Variants in WWC1 observed in about 807,000 individuals in gnomAD.
The protein encoded by WWC1 is WW and C2 domain containing 1, also known as protein KIBRA.
WWC1 carries 55 observed loss-of-function variants against 138.4 expected under a neutral mutation model. The observed-to-expected ratio is 0.40, with a 90% confidence interval of 0.32 to 0.50. The LOEUF is 0.50. Among genes scored for constraint, WWC1 ranks in the 20% least tolerant of loss-of-function variants. WWC1 has a pLI of 0.72. For missense variants in WWC1, 1,226 were observed against 1,420.4 expected (o/e 0.86, Z 2.20); for synonymous variants, 524 against 564.9 (o/e 0.93, Z 1.03).
chr5:168,434,173 C>T (rs1782159934), intron 15 of WWC1, among the ~76,000 whole-genome samples: 1 of 152,178 alleles, frequency 6.6e-6, no homozygotes, highest in African/African-American at 2.4e-5. Flanking sequence ...AATTGGATGC[C>T]TTTTATTCCT....
At chr5:168,392,327 G>A (rs1778569276) in intron 3 of WWC1, among the ~76,000 whole-genome samples, 1 of 152,124 alleles carries the variant, frequency 6.6e-6, no homozygotes, top group South Asian at 2.1e-4. Flanking sequence ...CCAGGGAAGA[G>A]ATATAAAGAG....
intron 17 of WWC1, among the ~76,000 whole-genome samples, chr5:168,446,606 C>G (rs1755292136): frequency 6.6e-6 from 1 of 152,200 alleles, no homozygotes; most frequent in African/African-American, 2.4e-5. Context: ...AGCACCAAAT[C>G]AAGAAGCAGA....
intron 1 of WWC1, among the ~76,000 whole-genome samples, chr5:168,295,930 G>T (rs1021109801): frequency 1.3e-5 from 2 of 152,178 alleles, no homozygotes; most frequent in African/African-American, 4.8e-5. Context: ...TGGGCCAAAG[G>T]CTCCAGCAGC....
chr5:168,448,809 T>C (rs563961361), intron 17 of WWC1, among the ~76,000 whole-genome samples: 3 of 152,036 alleles, frequency 2.0e-5, no homozygotes, highest in African/African-American at 7.2e-5. Context: ...TTAGTAGAGA[T>C]GGGGTTTCAC....
intron 17 of WWC1, among the ~76,000 whole-genome samples, chr5:168,446,398 G>A (rs939378475): frequency 1.3e-5 from 2 of 152,102 alleles, no homozygotes; most frequent in African/African-American, 4.8e-5. Flanking sequence ...TTAATTCCTT[G>A]TATTATGAGA....
At chr5:168,349,671 C>T (rs1237676800) in intron 1 of WWC1, among the ~76,000 whole-genome samples, 3 of 152,130 alleles carry the variant, frequency 2.0e-5, no homozygotes, top group Non-Finnish European at 4.4e-5. Flanking sequence ...GGAGTGCTTC[C>T]TTCTTTCTCC....
chr5:168,444,656 A>G (rs17070214), intron 17 of WWC1, 71 bp downstream of exon 17: 18,457 of 1,510,226 alleles, frequency 0.012, 218 homozygotes, highest in African/African-American at 0.058. Flanking sequence ...AGATCCCCCA[A>G]TGCCAGTGCA....
At chr5:168,412,695 C>G (rs1351870405) in intron 8 of WWC1, among the ~76,000 whole-genome samples, 1 of 152,036 alleles carries the variant, frequency 6.6e-6, no homozygotes, top group East Asian at 1.9e-4. Flanking sequence ...TCTGCAGATT[C>G]AACCAACCAA....
intron 1 of WWC1, among the ~76,000 whole-genome samples, chr5:168,309,448 G>A (rs760178938): frequency 9.9e-5 from 15 of 151,876 alleles, no homozygotes; most frequent in Non-Finnish European, 2.1e-4. Context: ...AGGTCCAAAG[G>A]GTGCATAGTG....
intron 2 of WWC1, 110 bp downstream of exon 2, chr5:168,371,643 T>A (rs1376707030): frequency 7.3e-6 from 5 of 682,248 alleles, no homozygotes; most frequent in Non-Finnish European, 1.3e-5. Context: ...GGAGCCAGAT[T>A]GTATTTTGTT....
In WWC1 at chr5:168,464,899, G is replaced by A. The variant is rs1206558678; in HGVS notation, c.3087G>A (p.Glu1029=). The change falls in exon 21 of 23, where the codon GAG becomes GAA. Residue 1029 remains glutamate (E), a synonymous_variant. Transcript: ENST00000265293. ...AAGCCAAGAGCCACGGGGAGAAGGA[G>A]CTGCCACAGTGGTTGCGTGAGGACG... ...LEQAKSHGEK[E]LPQWLREDER... The A allele has an allele frequency of 3.1e-6, 5 of 1,614,218 alleles. No homozygotes were observed. The highest frequency in any genetic ancestry group is 8.5e-7 in the Non-Finnish European group (1 of 1,180,040).
intron 1 of WWC1, among the ~76,000 whole-genome samples, chr5:168,305,092 G>A (rs924432610): frequency 6.6e-6 from 1 of 151,098 alleles, no homozygotes; most frequent in African/African-American, 2.4e-5. Context: ...CCCAAATGCT[G>A]GAATTACAGG....
At chr5:168,444,734 G>A in intron 17 of WWC1, 149 bp downstream of exon 17, 2 of 778,738 alleles carry the variant, frequency 2.6e-6, no homozygotes, top group South Asian at 2.0e-5. Flanking sequence ...CAGGCAAAAA[G>A]GCAATGTAAC....
chr5:168,352,530 C>T (rs979785052), intron 1 of WWC1, among the ~76,000 whole-genome samples: 3 of 151,696 alleles, frequency 2.0e-5, no homozygotes, highest in Non-Finnish European at 4.4e-5. Flanking sequence ...CTAAGGCATG[C>T]GACTTGACCT....
chr5:168,318,620 C>T (rs539086866), intron 1 of WWC1, among the ~76,000 whole-genome samples: 122 of 147,946 alleles, frequency 8.2e-4, no homozygotes, highest in Non-Finnish European at 1.6e-3. Flanking sequence ...AGTTCAATGG[C>T]GTGGTCTCAG....
At chr5:168,349,789 C>T (rs367588586) in intron 1 of WWC1, among the ~76,000 whole-genome samples, 2 of 152,290 alleles carry the variant, frequency 1.3e-5, no homozygotes, top group East Asian at 1.9e-4. Flanking sequence ...AGGCTCACAG[C>T]CCTTCCTGTT....
chr5:168,403,008 T>C (rs868309044), intron 5 of WWC1, among the ~76,000 whole-genome samples: 4 of 38,126 alleles, frequency 1.0e-4, no homozygotes, highest in African/African-American at 2.9e-4. Context: ...TTGTTTCTTT[T>C]TCTTTCTTTC....
chr5:168,469,243 C>A lies in WWC1; in HGVS notation c.*226C>A. ...CAAAAACAGAAACAAAAAAAACCAG[C>A]ATTAAAATAATAAGATTGTATAGTT... is the stretch of plus-strand genomic sequence containing the variant. On this transcript the variant is annotated 3_prime_UTR_variant, in exon 23 of 23. Coordinates refer to ENST00000265293, the MANE Select transcript of WWC1 (RefSeq NM_015238.3). 1.8e-6 allele frequency: 1 copy of A among 550,990 alleles called. No homozygotes were observed. Among genetic ancestry groups the A allele is most frequent in the Non-Finnish European group, 3.2e-6 (1 of 308,246 alleles). 34.1% of individuals were successfully genotyped at this position (550,990 alleles called of 1,614,324 possible).
intron 1 of WWC1, among the ~76,000 whole-genome samples, chr5:168,307,564 A>G (rs1347381137): frequency 6.7e-6 from 1 of 149,334 alleles, no homozygotes; most frequent in Non-Finnish European, 1.5e-5. Flanking sequence ...AAATGCCCTC[A>G]TCTGTGGTGG....
Sources: allele counts gnomAD v4.1 joint callset (sites outside exome capture counted in the v4.1 genomes callset), GRCh38; gene constraint gnomAD v4.1.1; transcripts MANE v1.5; gene names NCBI Gene and HGNC (gene_info 2026-07-23, HGNC 2026-07-21).